Variants in GLG1 observed in about 807,000 individuals in gnomAD.
GLG1 encodes the protein golgi glycoprotein 1.
In GLG1, 38 loss-of-function variants were observed where a neutral mutation model predicts 160.5. The ratio of observed to expected loss-of-function variants is 0.24; its 90% CI spans 0.18 to 0.31. The LOEUF (loss-of-function observed/expected upper bound fraction) is 0.31. Among genes scored for constraint, GLG1 ranks in the 10% least tolerant of loss-of-function variants. GLG1 has a pLI of 1.00. For missense variants in GLG1, 1,373 were observed against 1,505.2 expected, an observed-to-expected ratio of 0.91 and a Z score of 1.45; for synonymous variants, 644 against 543.4, an observed-to-expected ratio of 1.19 and a Z score of -2.57.
intron 19 of GLG1, among the ~76,000 whole-genome samples, chr16:74,464,274 A>T (rs1164195686): frequency 6.6e-6 from 1 of 152,094 alleles, no homozygotes; most frequent in Non-Finnish European, 1.5e-5. Flanking sequence ...CTCAAGCCCT[A>T]CCTACCCAAC....
intron 1 of GLG1, among the ~76,000 whole-genome samples, chr16:74,600,594 T>C (rs929075976): frequency 6.6e-6 from 1 of 151,388 alleles, no homozygotes; most frequent in Non-Finnish European, 1.5e-5. Flanking sequence ...TAGCCGGGTG[T>C]GGTAGCGCAT....
chr16:74,452,297 A>T lies in GLG1; in HGVS notation c.*870T>A, dbSNP rs1038430891. 206 of 1,429,924 alleles carry T rather than the reference A, an allele frequency of 1.4e-4. No homozygotes were observed. The highest frequency in any genetic ancestry group is 1.7e-4 in the Non-Finnish European group (185 of 1,093,126). The allele number at this position is 1,429,924 out of a possible 1,614,324, so 88.6% of individuals were successfully genotyped here. A position where few individuals can be genotyped will look rare whatever the true frequency, so the allele number is the denominator to read the frequency against. The stretch of plus-strand genomic sequence containing the variant: ...AGCAGGGCCGGTCCAGACATGGCTG[A>T]GTCCTGTGCTGCCCTGGAGGAGGAA... On this transcript the variant is annotated 3_prime_UTR_variant, in exon 26 of 26. Coordinates refer to ENST00000422840, the MANE Select transcript of GLG1 (RefSeq NM_001145667.2).
intron 11 of GLG1, among the ~76,000 whole-genome samples, chr16:74,479,197 C>G (rs1458445294): frequency 2.0e-5 from 3 of 147,104 alleles, no homozygotes; most frequent in Non-Finnish European, 4.5e-5. Context: ...GCACTCCAGC[C>G]TGGGGTGCAG....
intron 1 of GLG1, among the ~76,000 whole-genome samples, chr16:74,593,537 C>T (rs1474428273): frequency 6.6e-6 from 1 of 150,842 alleles, no homozygotes; most frequent in Non-Finnish European, 1.5e-5. Context: ...CAGGTTCAAG[C>T]GATTCTCCTG....
intron 2 of GLG1, among the ~76,000 whole-genome samples, chr16:74,515,471 T>G (rs1249823694): frequency 2.0e-5 from 3 of 152,092 alleles, no homozygotes; most frequent in African/African-American, 7.2e-5. Flanking sequence ...GCAATCAAAG[T>G]AGAACTCAGG....
At chr16:74,478,809 G>C (rs1414187158) in intron 11 of GLG1, among the ~76,000 whole-genome samples, 1 of 150,486 alleles carries the variant, frequency 6.6e-6, no homozygotes, top group Non-Finnish European at 1.5e-5. Flanking sequence ...CTAATCTGGA[G>C]GGTGAGGCAG....
At chr16:74,578,114 T>C (rs1957856460) in intron 1 of GLG1, among the ~76,000 whole-genome samples, 1 of 152,196 alleles carries the variant, frequency 6.6e-6, no homozygotes, top group East Asian at 1.9e-4. Context: ...AGGTATTTTG[T>C]TTGTTTTTGT....
chr16:74,527,245 C>CTTTTTTTTT (rs71158522), intron 2 of GLG1, among the ~76,000 whole-genome samples: 39 of 83,070 alleles, frequency 4.7e-4, no homozygotes, highest in East Asian at 6.8e-4. Context: ...TAAGTCAGTT[C>CTTTTTTTTT]TTTTTTTTTT....
chr16:74,548,901 C>T (rs1334514284), intron 1 of GLG1, among the ~76,000 whole-genome samples: 2 of 152,076 alleles, frequency 1.3e-5, no homozygotes, highest in Non-Finnish European at 2.9e-5. Context: ...GAGGCTGAGG[C>T]AGGAGAATCA....
chr16:74,527,229 T>G (rs2017364562), intron 2 of GLG1, among the ~76,000 whole-genome samples: 1 of 150,822 alleles, frequency 6.6e-6, no homozygotes, highest in African/African-American at 2.4e-5. Context: ...TGTTATTGTT[T>G]TGGCTTAAGT....
At position 74,512,403 on chromosome 16, in the gene GLG1, A is replaced by G. The variant is rs374255701; in HGVS notation, c.472-3478T>C. Among the ~76,000 whole-genome samples, 318 of 151,926 alleles carry G rather than the reference A, an allele frequency of 2.1e-3. 2 individuals carry two copies. In the Middle Eastern group the frequency reaches 0.031, roughly 15 times the overall value. ...CTCAGCCTCCGTACTAGCTGGGATT[A>G]CAGGTGTGCGCCACCACATCCAGCT... On this transcript the variant is annotated intron_variant, in intron 2 of 25. Transcript: ENST00000422840.
At chr16:74,566,423 C>T (rs142186558) in intron 1 of GLG1, among the ~76,000 whole-genome samples, 210 of 152,296 alleles carry the variant, frequency 1.4e-3, no homozygotes, top group Middle Eastern at 3.4e-3. Context: ...GGGAGTAACC[C>T]CCACATACCC....
intron 13 of GLG1, chr16:74,473,068 TAGAGTACTAAA>T (rs2015264585): frequency 6.5e-6 from 1 of 154,770 alleles, no homozygotes; most frequent in Admixed American, 6.4e-5. Flanking sequence ...ACAATTCAAA[TAGAGTACTAAA>T]AGGTTTAAGA....
At chr16:74,537,066 A>C (rs1291561498) in intron 1 of GLG1, among the ~76,000 whole-genome samples, 1 of 152,256 alleles carries the variant, frequency 6.6e-6, no homozygotes, top group African/African-American at 2.4e-5. Flanking sequence ...AAAGTTATGA[A>C]AAGTATAATA....
rs367833662 is a variant in GLG1 at position 74,527,296 on chromosome 16, A to C, written c.471+4825T>G. 3.4e-3 allele frequency among the ~76,000 whole-genome samples: 404 copies of C among 119,032 alleles called. 5 individuals are homozygous for C. Among genetic ancestry groups the C allele is most frequent in the African/African-American group, 0.013 (385 of 30,106 alleles). 78.1% of individuals were successfully genotyped at this position (119,032 alleles called of 152,430 possible). On this transcript the variant is annotated intron_variant, in intron 2 of 25. Coordinates refer to ENST00000422840, the MANE Select transcript of GLG1 (RefSeq NM_001145667.2). ...TGGAGTTTTGCTCTTTTTGCCCAGG[A>C]TGGAGTGCAATGGCGCTATCTCGGC...
intron 1 of GLG1, among the ~76,000 whole-genome samples, chr16:74,546,209 T>C (rs1311040508): frequency 6.6e-6 from 1 of 152,162 alleles, no homozygotes; most frequent in East Asian, 1.9e-4. Flanking sequence ...GAAGCTGAGG[T>C]GGGCAGACTG....
chr16:74,462,244 T>C (rs1486061215), intron 21 of GLG1, 49 bp from the exon 22 acceptor site: 2 of 991,888 alleles, frequency 2.0e-6, no homozygotes, highest in East Asian at 2.4e-5. Flanking sequence ...AAACGAAGCT[T>C]TTCTACAAAA....
At position 74,448,819 on chromosome 16, in the gene GLG1, G is replaced by A. The variant is rs566590924; in HGVS notation, c.*4348C>T. 1.3e-5 allele frequency: 2 copies of A among 150,274 alleles called. No individual in the cohort carries two copies. The highest frequency in any genetic ancestry group is 4.9e-5 in the African/African-American group (2 of 40,838). 9.3% of individuals were successfully genotyped at this position (150,274 alleles called of 1,614,324 possible). A position where few individuals can be genotyped will look rare whatever the true frequency, so the allele number is the denominator to read the frequency against. ...CGCCTGTAATGCACTTTGGAAGGCC[G>A]AAGTGCACTTTGGCCGAAGTGGGCC... On this transcript the variant is annotated 3_prime_UTR_variant, in exon 26 of 26. Transcript: ENST00000422840.
In GLG1 at chr16:74,451,997, C is replaced by T. The variant is rs2014327492; in HGVS notation, c.*1170G>A. 8.2e-7 allele frequency: 1 copy of T among 1,220,604 alleles called. No individual in the cohort carries two copies. Among genetic ancestry groups the T allele is most frequent in the South Asian group, 1.2e-5 (1 of 83,286 alleles). 75.6% of individuals were successfully genotyped at this position (1,220,604 alleles called of 1,614,324 possible). A position where few individuals can be genotyped will look rare whatever the true frequency, so the allele number is the denominator to read the frequency against. On this transcript the variant is annotated 3_prime_UTR_variant, in exon 26 of 26. Coordinates refer to ENST00000422840, the MANE Select transcript of GLG1 (RefSeq NM_001145667.2). ...TTAATGTGATAACTTTCCACACCCTCTCCACGTAGAGGCACAAAGGAGCTT... is the reference window on the plus strand; with the variant it reads ...TTAATGTGATAACTTTCCACACCCTTTCCACGTAGAGGCACAAAGGAGCTT...
Sources: gnomAD v4.1 joint callset for allele counts (sites outside exome capture counted in the v4.1 genomes callset) on GRCh38, gnomAD v4.1.1 for gene constraint, MANE v1.5 for transcripts, NCBI Gene and HGNC (gene_info 2026-07-23, HGNC 2026-07-21) for gene names.